ZFYVE9: variants seen among roughly 807,000 people sequenced by gnomAD.
The protein encoded by ZFYVE9 is zinc finger FYVE domain-containing protein 9.
ZFYVE9 carries 43 observed loss-of-function variants against 126.7 expected under a neutral mutation model. The observed-to-expected ratio is 0.34, with a 90% CI of 0.27 to 0.44. The LOEUF (loss-of-function observed/expected upper bound fraction) is 0.44. Ranked by LOEUF, ZFYVE9 falls within the 20% of genes least tolerant of loss-of-function variation. The pLI is 1.00. For missense variants in ZFYVE9, 1,476 were observed against 1,697.0 expected (o/e 0.87, Z 2.29); for synonymous variants, 521 against 597.4 (o/e 0.87, Z 1.87).
intron 1 of ZFYVE9, among the ~76,000 whole-genome samples, chr1:52,159,569 G>T (rs1225383335): frequency 1.3e-5 from 2 of 152,188 alleles, no homozygotes; most frequent in African/African-American, 2.4e-5. Context: ...AGGCCTTAGT[G>T]CCTATGTTAT....
intron 1 of ZFYVE9, among the ~76,000 whole-genome samples, chr1:52,165,001 A>G (rs542061369): frequency 2.6e-5 from 4 of 152,246 alleles, no homozygotes; most frequent in African/African-American, 9.6e-5. Context: ...ATTTCTGAAG[A>G]TGGTTGGAGG....
intron 2 of ZFYVE9, among the ~76,000 whole-genome samples, chr1:52,217,184 T>G (rs1645079515): frequency 6.6e-6 from 1 of 152,230 alleles, no homozygotes; most frequent in Admixed American, 6.5e-5. Context: ...CCTAACACAG[T>G]TCCTGTTTCT....
In ZFYVE9 at chr1:52,238,188, C is replaced by T. The variant is rs1192777641; in HGVS notation, c.771C>T (p.Ser257=). 1.1e-5 allele frequency: 17 copies of T among 1,614,098 alleles called. No homozygotes were observed. Among genetic ancestry groups the T allele is most frequent in the Non-Finnish European group, 1.3e-5 (15 of 1,179,958 alleles). Residue 257 remains serine (S), a synonymous_variant, in exon 4 of 19, where the codon TCC becomes TCT. Coordinates refer to ENST00000287727, the MANE Select transcript of ZFYVE9 (RefSeq NM_004799.4). ...KDDGSIGRDP[S]MSAITSLTVD... ...ACGGAAGTATAGGTAGAGACCCCTC[C>T]ATGTCTGCGATTACAAGTTTAACGG...
intron 13 of ZFYVE9, among the ~76,000 whole-genome samples, chr1:52,327,032 G>A (rs1646298020): frequency 6.6e-6 from 1 of 150,998 alleles, no homozygotes; most frequent in African/African-American, 2.5e-5. Context: ...ATGGTGGCAT[G>A]CACCTGTAGT....
chr1:52,343,719 G>A (rs915718489), intron 17 of ZFYVE9, among the ~76,000 whole-genome samples: 4 of 150,962 alleles, frequency 2.6e-5, no homozygotes, highest in Admixed American at 6.6e-5. Context: ...TCGCACCACC[G>A]CACTCCAGCC....
chr1:52,149,625 C>T (rs1193521884), intron 1 of ZFYVE9, among the ~76,000 whole-genome samples: 1 of 152,144 alleles, frequency 6.6e-6, no homozygotes, highest in African/African-American at 2.4e-5. Context: ...GTTTTGGTTA[C>T]TCATTCAAGG....
At chr1:52,226,896 T>A (rs1645175451) in intron 2 of ZFYVE9, among the ~76,000 whole-genome samples, 1 of 152,212 alleles carries the variant, frequency 6.6e-6, no homozygotes, top group African/African-American at 2.4e-5. Context: ...CAGATGTGCA[T>A]TTATCTCATT....
chr1:52,173,656 G>A lies in ZFYVE9; in HGVS notation c.-143+31253G>A, dbSNP rs1246451124. Among the ~76,000 whole-genome samples, 22 of 152,126 alleles carry A rather than the reference G, an allele frequency of 1.4e-4. No homozygotes were observed. In the East Asian group the frequency reaches 3.7e-3, roughly 25 times the overall value. On this transcript the variant is annotated intron_variant, in intron 1 of 18. Transcript: ENST00000287727. The stretch of plus-strand genomic sequence containing the variant: ...CTGGACTCTTTTTGGTTGGTAAGCT[G>A]TTGATTATTGCCACAATTTCAGATC...
Position 52,289,732 on chromosome 1 carries a change from G to A in ZFYVE9, c.3026-3721G>A, listed in dbSNP as rs1435992569. 9.2e-5 allele frequency among the ~76,000 whole-genome samples: 14 copies of A among 152,278 alleles called. No individual in the cohort carries two copies. The South Asian group carries it at 2.3e-3, about 25-fold the overall frequency. ...TGTGCAGTGTTACTTGTTTGTAGAT[G>A]AGATGGTACATGATAGTCTAATTCA... On this transcript the variant is annotated intron_variant, in intron 10 of 18. Coordinates refer to ENST00000287727, the MANE Select transcript of ZFYVE9 (RefSeq NM_004799.4).
At position 52,187,367 on chromosome 1, in the gene ZFYVE9, G is replaced by A. The variant is rs147433312; in HGVS notation, c.-142-29002G>A. On this transcript the variant is annotated intron_variant, in intron 1 of 18. Coordinates refer to ENST00000287727, the MANE Select transcript of ZFYVE9 (RefSeq NM_004799.4). ...AAAACCCAAAAGTATAAAAACCCTGGAAGACAGCCTAGGCAATACATTTTG... is the reference window on the plus strand; with the variant it reads ...AAAACCCAAAAGTATAAAAACCCTGAAAGACAGCCTAGGCAATACATTTTG... 7.6e-3 allele frequency among the ~76,000 whole-genome samples: 1,155 copies of A among 152,246 alleles called. 16 individuals carry two copies. The highest frequency in any genetic ancestry group is 0.026 in the African/African-American group (1,091 of 41,542).
intron 12 of ZFYVE9, among the ~76,000 whole-genome samples, chr1:52,296,581 T>G (rs531193026): frequency 6.6e-6 from 1 of 152,118 alleles, no homozygotes; most frequent in East Asian, 1.9e-4. Context: ...TTGGCTTGAG[T>G]CCACTAAGTT....
In ZFYVE9 at chr1:52,303,850, A is replaced by G. The variant is rs549265766; in HGVS notation, c.3363A>G (p.Pro1121=). 2.5e-6 allele frequency: 4 copies of G among 1,596,818 alleles called. No individual in the cohort carries two copies. Among genetic ancestry groups the G allele is most frequent in the African/African-American group, 1.3e-5 (1 of 74,406 alleles). The change falls in exon 13 of 19, where the codon CCA becomes CCG. Residue 1121 remains proline (P), a synonymous_variant. Transcript: ENST00000287727. ...TCAGAAATTACCAGTATACCTTGCC[A>G]GTAGTTCAAGGTTTGGTGGTTGATA... The part of the protein sequence containing the change: ...ADFRNYQYTL[P]VVQGLVVDME...
chr1:52,222,031 T>C (rs1402937145), intron 2 of ZFYVE9, among the ~76,000 whole-genome samples: 4 of 152,232 alleles, frequency 2.6e-5, no homozygotes, highest in Non-Finnish European at 5.9e-5. Context: ...GTCCTATCTT[T>C]CGTTTGCCTT....
At chr1:52,318,020 A>C (rs1424987100) in intron 13 of ZFYVE9, among the ~76,000 whole-genome samples, 6 of 152,188 alleles carry the variant, frequency 3.9e-5, no homozygotes, top group Non-Finnish European at 8.8e-5. Context: ...ACACCAAGAA[A>C]ATAGAAGAGA....
At chr1:52,321,495 T>G (rs1455615159) in intron 13 of ZFYVE9, among the ~76,000 whole-genome samples, 2 of 152,174 alleles carry the variant, frequency 1.3e-5, no homozygotes, top group African/African-American at 4.8e-5. Flanking sequence ...TAACAATAGA[T>G]ATGTTCAAAT....
rs550430828 is a variant in ZFYVE9 at position 52,238,174 on chromosome 1, G to A, written c.757G>A (p.Gly253Ser). Residue 253 changes from glycine (G) to serine (S), a missense_variant, in exon 4 of 19, where the codon GGT becomes AGT. By Grantham distance (56) the Gly-to-Ser change is moderately conservative. Around this residue, in one of 2 missense-constraint regions of ZFYVE9, gnomAD observed 807 missense variants for 794.6 expected, o/e 1.02. Coordinates refer to ENST00000287727, the MANE Select transcript of ZFYVE9 (RefSeq NM_004799.4). ...PSQLKDDGSI[G>S]RDPSMSAITS... ...ACAATTAAAGGATGACGGAAGTATA[G>A]GTAGAGACCCCTCCATGTCTGCGAT... is the stretch of plus-strand genomic sequence containing the variant. The A allele has an allele frequency of 4.5e-5, 73 of 1,614,066 alleles. 1 individual carries two copies. The East Asian group carries it at 1.6e-3, about 36-fold the overall frequency.
At position 52,344,814 on chromosome 1, in the gene ZFYVE9, C is replaced by G. The variant is rs2147880786; in HGVS notation, c.3986C>G (p.Pro1329Arg). Reference sequence around the variant, plus strand: ...GACCAGCACAATTGCCTCAGTGATCCTGCAGATCACAGTAGATTGACTGAG... The same window carrying G: ...GACCAGCACAATTGCCTCAGTGATCGTGCAGATCACAGTAGATTGACTGAG... ...NDDQHNCLSD[P>R]ADHSRLTEHV... The change falls in exon 18 of 19, where the codon CCT (proline) becomes CGT (arginine). Residue 1329 changes from proline (P) to arginine (R), a missense_variant. Transcript: ENST00000287727. The G allele has an allele frequency of 6.2e-7, 1 of 1,614,170 alleles. No homozygotes were observed. The highest frequency in any genetic ancestry group is 8.5e-7 in the Non-Finnish European group (1 of 1,180,022).
chr1:52,186,938 A>G (rs548862179), intron 1 of ZFYVE9, among the ~76,000 whole-genome samples: 13 of 152,334 alleles, frequency 8.5e-5, no homozygotes, highest in Admixed American at 6.5e-4. Flanking sequence ...CAAACTATCA[A>G]TGGCATTCTA....
At chr1:52,293,998 A>G (rs548502025) in intron 11 of ZFYVE9, among the ~76,000 whole-genome samples, 6 of 152,254 alleles carry the variant, frequency 3.9e-5, no homozygotes, top group South Asian at 4.1e-4. Flanking sequence ...ATTCTTTGTC[A>G]CTTGGTTGGA....
Sources: allele counts gnomAD v4.1 joint callset (sites outside exome capture counted in the v4.1 genomes callset), GRCh38; gene constraint gnomAD v4.1.1; regional missense constraint gnomAD v4.1.1; transcripts MANE v1.5; gene names NCBI Gene and HGNC (gene_info 2026-07-23, HGNC 2026-07-21).